SORL1-AS1: variants seen among roughly 807,000 people sequenced by gnomAD.
SORL1-AS1 encodes lncRNA 51 A.
chr11:121,452,389 G>A lies in SORL1-AS1; in HGVS notation n.339+286C>T. ...ACTCCCGTTCCTATTCACCCTGGTCGCACTGCTGCCGCCCGGAGCTCTCTG... is the reference window on the plus strand; with the variant it reads ...ACTCCCGTTCCTATTCACCCTGGTCACACTGCTGCCGCCCGGAGCTCTCTG... On this transcript the variant is annotated intron_variant and non_coding_transcript_variant, in intron 1 of 1. Transcript: ENST00000501964. The surrounding 1 kb of genome is among the most constrained non-coding windows in gnomAD (Gnocchi z 5.3). The A allele has an allele frequency of 1.3e-6, 2 of 1,545,952 alleles. No homozygotes were observed. The highest frequency in any genetic ancestry group is 1.9e-5 in the Admixed American group (1 of 51,852).
downstream of SORL1-AS1, among the ~76,000 whole-genome samples, chr11:121,443,514 A>C (rs1363138263): frequency 1.3e-5 from 2 of 152,222 alleles, no homozygotes; most frequent in African/African-American, 2.4e-5. Flanking sequence ...CATAGTTGCT[A>C]TATTGTCTGT....
At chr11:121,442,641 T>TTTTATTTATTTA (rs369945985), downstream of SORL1-AS1, among the ~76,000 whole-genome samples, 1 of 127,538 alleles carries the variant, frequency 7.8e-6, no homozygotes, top group Admixed American at 7.9e-5. Flanking sequence ...TCTCTCTCTC[T>TTTTATTTATTTA]TTTATTTATT....
chr11:121,440,247 G>C, the SORL1-AS1 span, among the ~76,000 whole-genome samples: 1 of 152,184 alleles, frequency 6.6e-6, no homozygotes, highest in African/African-American at 2.4e-5. Flanking sequence ...ATGCTACATG[G>C]CCTGTAATTC....
chr11:121,443,331 T>A (rs1218899727), downstream of SORL1-AS1, among the ~76,000 whole-genome samples: 1 of 152,214 alleles, frequency 6.6e-6, no homozygotes, highest in African/African-American at 2.4e-5. Flanking sequence ...CCCAGGTTGC[T>A]GGCCAAACAA....
At chr11:121,444,449 T>C (rs1326431326), downstream of SORL1-AS1, among the ~76,000 whole-genome samples, 1 of 152,382 alleles carries the variant, frequency 6.6e-6, no homozygotes, top group East Asian at 1.9e-4. Flanking sequence ...TCTGAGAAAG[T>C]ACCTGAGCAG....
chr11:121,442,678 TTTA>T (rs1860672211), downstream of SORL1-AS1, among the ~76,000 whole-genome samples: 1 of 113,980 alleles, frequency 8.8e-6, no homozygotes, highest in Non-Finnish European at 1.8e-5. Context: ...TATTTATTTA[TTTA>T]TTTATTTATT....
exon 2 of SORL1-AS1, chr11:121,447,817 A>G (rs1860742842): frequency 6.6e-6 from 1 of 152,146 alleles, no homozygotes. Context: ...GGTACCTAGG[A>G]AGGGAGACAG....
the SORL1-AS1 span, among the ~76,000 whole-genome samples, chr11:121,440,613 T>G: frequency 6.6e-6 from 1 of 152,354 alleles, no homozygotes; most frequent in African/African-American, 2.4e-5. Flanking sequence ...AAGCAAGCCA[T>G]GAGCCTGGAA....
At chr11:121,449,749 T>C (rs1028305411) in exon 2 of SORL1-AS1, 1 of 152,198 alleles carries the variant, frequency 6.6e-6, no homozygotes, top group Non-Finnish European at 1.5e-5. Context: ...AAGATCTCTA[T>C]TTTACAGATG....
downstream of SORL1-AS1, among the ~76,000 whole-genome samples, chr11:121,445,380 T>C (rs930632221): frequency 1.3e-5 from 2 of 152,148 alleles, no homozygotes; most frequent in African/African-American, 2.4e-5. Context: ...AAGAAGCACT[T>C]CTCAGAACCC....
At chr11:121,444,751 G>T (rs953995586), downstream of SORL1-AS1, among the ~76,000 whole-genome samples, 2 of 152,220 alleles carry the variant, frequency 1.3e-5, no homozygotes, top group African/African-American at 4.8e-5. Context: ...ACACTCCATG[G>T]TTGGCAGACT....
At chr11:121,447,204 C>T (rs2134750740), downstream of SORL1-AS1, 1 of 152,084 alleles carries the variant, frequency 6.6e-6, no homozygotes, top group East Asian at 1.9e-4. Flanking sequence ...GCTTCACACA[C>T]TTTGTGAGAA....
chr11:121,452,636 G>A lies in SORL1-AS1; in HGVS notation n.339+39C>T. 1.4e-6 allele frequency: 2 copies of A among 1,439,228 alleles called. No individual in the cohort carries two copies. Among genetic ancestry groups the A allele is most frequent in the Non-Finnish European group, 1.8e-6 (2 of 1,099,318 alleles). The allele number at this position is 1,439,228 out of a possible 1,614,324, so 89.2% of individuals were successfully genotyped here. A position where few individuals can be genotyped will look rare whatever the true frequency, so the allele number is the denominator to read the frequency against. ...GGACAGGTGAGCAGTTTTGCAACCC[G>A]CCTCCCTCCAGTTTTTTCCTCTCCC... On this transcript the variant is annotated intron_variant and non_coding_transcript_variant, in intron 1 of 1. Transcript: ENST00000501964. This position sits in a 1 kb window ranked among gnomAD's most constrained non-coding sequence, Gnocchi z 5.3.
chr11:121,443,109 T>A (rs1168634657), downstream of SORL1-AS1, among the ~76,000 whole-genome samples: 1 of 152,182 alleles, frequency 6.6e-6, no homozygotes, highest in Admixed American at 6.5e-5. Context: ...CTTGAATACT[T>A]CTGACTTTAC....
downstream of SORL1-AS1, among the ~76,000 whole-genome samples, chr11:121,445,749 A>G (rs1051523600): frequency 6.6e-6 from 1 of 151,612 alleles, no homozygotes; most frequent in African/African-American, 2.4e-5. Flanking sequence ...CCCTCCCCAA[A>G]GCCAGTACTC....
exon 2 of SORL1-AS1, chr11:121,447,741 C>T (rs1005998928): frequency 6.6e-6 from 1 of 152,112 alleles, no homozygotes; most frequent in Non-Finnish European, 1.5e-5. Flanking sequence ...GTAACTGTAA[C>T]ATTACTGCTA....
chr11:121,443,774 AT>A (rs1290153844), downstream of SORL1-AS1, among the ~76,000 whole-genome samples: 1 of 152,202 alleles, frequency 6.6e-6, no homozygotes, highest in African/African-American at 2.4e-5. Flanking sequence ...ATTATTTTTC[AT>A]TGGTGAAATT....
downstream of SORL1-AS1, among the ~76,000 whole-genome samples, chr11:121,442,764 C>T (rs867185434): frequency 7.5e-4 from 112 of 149,306 alleles, no homozygotes; most frequent in Middle Eastern, 3.4e-3. Flanking sequence ...CTGCAAGCTC[C>T]GCCTCCCAGG....
At chr11:121,441,476 A>T in the SORL1-AS1 span, among the ~76,000 whole-genome samples, 10 of 144,520 alleles carry the variant, frequency 6.9e-5, no homozygotes, top group East Asian at 2.0e-3. Flanking sequence ...GCTTGCAGTG[A>T]GCCAAGATTC....
Sources: gnomAD v4.1 joint callset for allele counts (sites outside exome capture counted in the v4.1 genomes callset) on GRCh38, gnomAD v4.1.1 for gene constraint, Gnocchi (gnomAD v3.1) non-coding constraint, MANE v1.5 for transcripts, NCBI Gene and HGNC (gene_info 2026-07-23, HGNC 2026-07-21) for gene names.